The following DGKI variants were observed in gnomAD, a reference collection of about 807,000 sequenced individuals.
DGKI encodes DAG kinase iota.
In DGKI, 55 loss-of-function variants were observed where a neutral mutation model predicts 147.5. The observed-to-expected ratio is 0.37, with a 90% CI of 0.30 to 0.47. The LOEUF is 0.47. Ranked by LOEUF, DGKI falls within the 20% of genes least tolerant of loss-of-function variation. DGKI has a pLI of 1.00. For synonymous variants in DGKI, 469 were observed against 477.1 expected (o/e 0.98, Z 0.22); for missense variants, 1,007 against 1,323.8 (o/e 0.76, Z 3.71).
chr7:137,461,639 A>G (rs1236106855), intron 27 of DGKI, among the ~76,000 whole-genome samples: 1 of 152,204 alleles, frequency 6.6e-6, no homozygotes, highest in Non-Finnish European at 1.5e-5. Flanking sequence ...GACTGAGCCT[A>G]GTAGAGATGA....
intron 5 of DGKI, among the ~76,000 whole-genome samples, chr7:137,647,528 A>C (rs28509418): frequency 0.084 from 12,772 of 152,214 alleles, 1,729 homozygotes; most frequent in African/African-American, 0.28. Flanking sequence ...TGGTGGTTGT[A>C]TGTACAATCG....
intron 19 of DGKI, among the ~76,000 whole-genome samples, chr7:137,561,604 G>C (rs989981826): frequency 6.6e-6 from 1 of 152,156 alleles, no homozygotes; most frequent in Non-Finnish European, 1.5e-5. Context: ...AAATGTTTGA[G>C]ATGATCGATA....
chr7:137,519,810 TA>T (rs1816902377), intron 21 of DGKI, among the ~76,000 whole-genome samples: 1 of 152,074 alleles, frequency 6.6e-6, no homozygotes, highest in East Asian at 1.9e-4. Context: ...CATCACCGCA[TA>T]TTAAAAGTAG....
intron 6 of DGKI, among the ~76,000 whole-genome samples, chr7:137,631,001 A>C (rs548540676): frequency 1.3e-5 from 2 of 152,198 alleles, no homozygotes; most frequent in East Asian, 3.8e-4. Context: ...TTTGAAAAAA[A>C]GACTAGTTAA....
chr7:137,804,465 C>T (rs544763586), intron 1 of DGKI, among the ~76,000 whole-genome samples: 1 of 152,344 alleles, frequency 6.6e-6, no homozygotes, highest in South Asian at 2.1e-4. Flanking sequence ...TAATAAGTCT[C>T]TTTGACCCCT....
intron 12 of DGKI, among the ~76,000 whole-genome samples, chr7:137,596,742 T>TA (rs1486308781): frequency 6.6e-6 from 1 of 152,192 alleles, no homozygotes; most frequent in East Asian, 1.9e-4. Context: ...GAGAGACCAA[T>TA]AAAAATCACA....
At chr7:137,480,871 C>CA (rs958586022) in intron 23 of DGKI, among the ~76,000 whole-genome samples, 2 of 151,960 alleles carry the variant, frequency 1.3e-5, no homozygotes, top group African/African-American at 2.4e-5. Context: ...AGGGTGTCTA[C>CA]AAAAAAACCC....
At chr7:137,394,988 T>C (rs1811495649) in intron 32 of DGKI, among the ~76,000 whole-genome samples, 1 of 152,188 alleles carries the variant, frequency 6.6e-6, no homozygotes, top group Admixed American at 6.5e-5. Flanking sequence ...TACCTATAAA[T>C]GACAGTAATT....
At chr7:137,835,888 C>A (rs1210018878) in intron 1 of DGKI, among the ~76,000 whole-genome samples, 1 of 152,206 alleles carries the variant, frequency 6.6e-6, no homozygotes, top group African/African-American at 2.4e-5. Flanking sequence ...CCAGCCTGAA[C>A]CTGGCAATGT....
At chr7:137,577,196 A>T in intron 17 of DGKI, 26 bp downstream of exon 17, 1 of 1,516,936 alleles carries the variant, frequency 6.6e-7, no homozygotes, top group Non-Finnish European at 9.1e-7. Flanking sequence ...ATTCAAATTA[A>T]ATAAATCAAC....
chr7:137,542,183 C>T (rs531032101), intron 20 of DGKI, among the ~76,000 whole-genome samples: 2 of 152,144 alleles, frequency 1.3e-5, no homozygotes, highest in South Asian at 2.1e-4. Flanking sequence ...CAAAATGGTG[C>T]GACCATTCTG....
chr7:137,771,840 A>T (rs933252933), intron 1 of DGKI: 1 of 152,170 alleles, frequency 6.6e-6, no homozygotes, highest in Admixed American at 6.5e-5. Context: ...TTTGTCTCCA[A>T]CTCGAACTGG....
At position 137,614,385 on chromosome 7, in the gene DGKI, G is replaced by A. The variant is rs763416632; in HGVS notation, c.994-4776C>T. Among the ~76,000 whole-genome samples the A allele has an allele frequency of 7.2e-5, 11 of 152,098 alleles. 1 individual carries two copies. Among genetic ancestry groups the A allele is most frequent in the East Asian group, 1.9e-4 (1 of 5,184 alleles). ...CAACTTGACCCCACAGAAAATTCAC[G>A]TAAGTCTCAATCCCTCAGCTCCAAG... On this transcript the variant is annotated intron_variant, in intron 8 of 32. Coordinates refer to ENST00000614521, the MANE Select transcript of DGKI (RefSeq NM_001321708.2).
Position 137,614,535 on chromosome 7 carries a change from A to G in DGKI, c.994-4926T>C, listed in dbSNP as rs116260711. Among the ~76,000 whole-genome samples the G allele has an allele frequency of 5.3e-4, 81 of 152,316 alleles. 1 individual carries two copies. Among genetic ancestry groups the G allele is most frequent in the African/African-American group, 1.9e-3 (77 of 41,578 alleles). ...TTTAAATATAACTTGGACTTCAAAT[A>G]TATCAACAGATCCAGGCTTGATTCT... is the stretch of plus-strand genomic sequence containing the variant. On this transcript the variant is annotated intron_variant, in intron 8 of 32. Transcript: ENST00000614521.
intron 1 of DGKI, among the ~76,000 whole-genome samples, chr7:137,828,090 A>G (rs1269002250): frequency 6.6e-6 from 1 of 152,220 alleles, no homozygotes; most frequent in African/African-American, 2.4e-5. Flanking sequence ...GCCTGTAGAC[A>G]GGTCAATGTC....
intron 1 of DGKI, among the ~76,000 whole-genome samples, chr7:137,776,614 T>TACAC (rs1796370046): frequency 6.6e-6 from 1 of 152,192 alleles, no homozygotes; most frequent in East Asian, 1.9e-4. Context: ...GAGGAAGGTG[T>TACAC]ACTTAAAGAA....
intron 1 of DGKI, among the ~76,000 whole-genome samples, chr7:137,796,818 A>G (rs1239238566): frequency 6.6e-6 from 1 of 152,230 alleles, no homozygotes; most frequent in Admixed American, 6.5e-5. Context: ...GACTTGTGGG[A>G]CATGAGCCAG....
At chr7:137,835,537 A>G (rs1338172916) in intron 1 of DGKI, among the ~76,000 whole-genome samples, 1 of 152,220 alleles carries the variant, frequency 6.6e-6, no homozygotes, top group Non-Finnish European at 1.5e-5. Context: ...GCTGCTGCTT[A>G]GCAACTAATG....
At chr7:137,500,279 A>G (rs899588024) in intron 21 of DGKI, among the ~76,000 whole-genome samples, 3 of 152,196 alleles carry the variant, frequency 2.0e-5, no homozygotes, top group Admixed American at 6.5e-5. Flanking sequence ...ATGTCTCATA[A>G]TCCAGACTGT....
Sources: allele counts gnomAD v4.1 joint callset (sites outside exome capture counted in the v4.1 genomes callset), GRCh38; gene constraint gnomAD v4.1.1; transcripts MANE v1.5; gene names NCBI Gene and HGNC (gene_info 2026-07-23, HGNC 2026-07-21).